Variants in CDH18 observed in about 807,000 individuals in gnomAD.
The protein encoded by CDH18 is cadherin 18, also known as cadherin-18.
In CDH18, 31 loss-of-function variants were observed where a neutral mutation model predicts 67.9. That is an observed-to-expected ratio of 0.46 (90% CI 0.34 to 0.62). CDH18 has a LOEUF of 0.62. Ranked by LOEUF, CDH18 falls within the 20% of genes least tolerant of loss-of-function variation. The probability of loss-of-function intolerance (pLI) is 0.01; values close to 1 mark genes in which losing one functional copy is unlikely to be tolerated. For missense variants in CDH18, 890 were observed against 975.5 expected (o/e 0.91, Z 1.17); for synonymous variants, 362 against 347.2 (o/e 1.04, Z -0.48).
At chr5:20,122,013 C>T (rs933329958) in intron 2 of CDH18, among the ~76,000 whole-genome samples, 10 of 152,158 alleles carry the variant, frequency 6.6e-5, no homozygotes, top group African/African-American at 2.2e-4. Context: ...AAGCTTAGAA[C>T]AGCACTGTTG....
intron 1 of CDH18, among the ~76,000 whole-genome samples, chr5:20,375,357 T>C (rs990101566): frequency 3.9e-5 from 6 of 152,194 alleles, no homozygotes; most frequent in African/African-American, 1.2e-4. Flanking sequence ...GAAAGCAGAA[T>C]TGGGATGAAA....
In CDH18 at chr5:20,086,024, C is replaced by T. The variant is rs150736601; in HGVS notation, c.-517-94010G>A. Among the ~76,000 whole-genome samples, 23 of 152,260 alleles carry T rather than the reference C, an allele frequency of 1.5e-4. No homozygotes were observed. In the East Asian group the frequency reaches 2.3e-3, roughly 15 times the overall value. On this transcript the variant is annotated intron_variant, in intron 2 of 14. Coordinates refer to the CDH18 transcript ENST00000507958. The stretch of plus-strand genomic sequence containing the variant: ...GAAAAGCTAAAAGGTAGGCTTCTTG[C>T]GCAAAACAGTGAGCCAAGATGTAAA...
chr5:20,104,046 G>A (rs1746707751), intron 2 of CDH18, among the ~76,000 whole-genome samples: 1 of 150,638 alleles, frequency 6.6e-6, no homozygotes, highest in African/African-American at 2.4e-5. Context: ...TATGACTATA[G>A]ATGGTTATCT....
intron 5 of CDH18, among the ~76,000 whole-genome samples, chr5:19,689,800 A>G (rs1261991870): frequency 6.6e-6 from 1 of 151,804 alleles, no homozygotes; most frequent in East Asian, 1.9e-4. Flanking sequence ...AATAAATTAG[A>G]CTTTTTACTT....
chr5:20,420,124 T>C (rs961771136), intron 1 of CDH18, among the ~76,000 whole-genome samples: 1 of 151,058 alleles, frequency 6.6e-6, no homozygotes, highest in Admixed American at 6.6e-5. Flanking sequence ...TGCATTTTGT[T>C]GAATTAACAC....
At chr5:19,968,675 C>T (rs1797719496) in intron 2 of CDH18, among the ~76,000 whole-genome samples, 2 of 143,918 alleles carry the variant, frequency 1.4e-5, no homozygotes, top group Admixed American at 1.3e-4. Flanking sequence ...TTCCTTACAC[C>T]TTATATAAAA....
At chr5:20,256,585 G>A (rs1279690622) in intron 1 of CDH18, among the ~76,000 whole-genome samples, 2 of 151,920 alleles carry the variant, frequency 1.3e-5, no homozygotes, top group Non-Finnish European at 2.9e-5. Context: ...TTTTATTTTG[G>A]GAATGCTGGG....
At chr5:19,930,333 G>A (rs1045546066) in intron 2 of CDH18, among the ~76,000 whole-genome samples, 1 of 151,938 alleles carries the variant, frequency 6.6e-6, no homozygotes, top group African/African-American at 2.4e-5. Context: ...CGAGCAAGGA[G>A]AAACATATGT....
chr5:19,774,082 C>A (rs1774018098), intron 3 of CDH18, among the ~76,000 whole-genome samples: 1 of 151,972 alleles, frequency 6.6e-6, no homozygotes, highest in Non-Finnish European at 1.5e-5. Context: ...AGATTTACTC[C>A]AAAATAACAT....
chr5:19,854,759 T>C (rs1784077660), intron 2 of CDH18, among the ~76,000 whole-genome samples: 1 of 152,030 alleles, frequency 6.6e-6, no homozygotes, highest in South Asian at 2.1e-4. Flanking sequence ...CTATTTTTAT[T>C]TATTTATTTT....
chr5:19,906,844 CAACT>C (rs1484211284), intron 2 of CDH18, among the ~76,000 whole-genome samples: 2 of 151,950 alleles, frequency 1.3e-5, no homozygotes, highest in Admixed American at 1.3e-4. Flanking sequence ...AATCAAGACA[CAACT>C]ATCACCTGCC....
rs1751058806 is a variant in CDH18 at position 20,151,083 on chromosome 5, A to T, written c.-518+104361T>A. ...AATATAGGGGGTTCCGCTTTGTTACATGAGTATATTGCACCCAGATAGTGA... is the reference window on the plus strand; with the variant it reads ...AATATAGGGGGTTCCGCTTTGTTACTTGAGTATATTGCACCCAGATAGTGA... On this transcript the variant is annotated intron_variant, in intron 2 of 14. Transcript: ENST00000507958. Among the ~76,000 whole-genome samples the T allele has an allele frequency of 2.6e-5, 4 of 151,748 alleles. No individual in the cohort carries two copies. The South Asian group carries it at 8.3e-4, about 32-fold the overall frequency.
Position 20,334,295 on chromosome 5 carries a change from G to A in CDH18, c.-579-78790C>T, listed in dbSNP as rs565309178. 3.3e-5 allele frequency among the ~76,000 whole-genome samples: 5 copies of A among 150,940 alleles called. No individual in the cohort carries two copies. The South Asian group carries it at 6.3e-4, about 19-fold the overall frequency. ...ACTACAGGCGCCCGCCACCTCGCCC[G>A]GCTAATTTTTTTTTTGTATTTTTAG... On this transcript the variant is annotated intron_variant, in intron 1 of 14. Coordinates refer to the CDH18 transcript ENST00000507958.
intron 7 of CDH18, among the ~76,000 whole-genome samples, chr5:19,575,286 T>C (rs906654621): frequency 6.6e-6 from 1 of 152,210 alleles, no homozygotes; most frequent in East Asian, 1.9e-4. Flanking sequence ...ACAATGCTAA[T>C]TAGCATGCAT....
At chr5:20,295,867 T>C (rs1264044690) in intron 1 of CDH18, among the ~76,000 whole-genome samples, 1 of 99,334 alleles carries the variant, frequency 1.0e-5, no homozygotes, top group Non-Finnish European at 2.0e-5. Context: ...TTCTTTCTTT[T>C]TTTTCTTTTT....
At chr5:20,100,110 T>C (rs1746330373) in intron 2 of CDH18, among the ~76,000 whole-genome samples, 1 of 152,136 alleles carries the variant, frequency 6.6e-6, no homozygotes, top group South Asian at 2.1e-4. Flanking sequence ...TCAGTTTTAA[T>C]TATGGAGACA....
At chr5:19,678,901 G>C (rs35520154) in intron 5 of CDH18, among the ~76,000 whole-genome samples, 5,001 of 151,876 alleles carry the variant, frequency 0.033, 268 homozygotes, top group African/African-American at 0.11. Flanking sequence ...CCTACTGAAA[G>C]TATTCCAAAA....
intron 1 of CDH18, among the ~76,000 whole-genome samples, chr5:20,306,432 G>A (rs1393042612): frequency 1.6e-5 from 2 of 124,076 alleles, no homozygotes; most frequent in African/African-American, 3.7e-5. Context: ...CTTTTCCATA[G>A]AGTCATTTTT....
intron 6 of CDH18, among the ~76,000 whole-genome samples, chr5:19,595,450 C>T (rs1473682227): frequency 6.6e-6 from 1 of 152,126 alleles, no homozygotes; most frequent in Non-Finnish European, 1.5e-5. Flanking sequence ...ATGGTGAAAT[C>T]CCATCCCTAC....
Sources: gnomAD v4.1 joint callset for allele counts (sites outside exome capture counted in the v4.1 genomes callset) on GRCh38, gnomAD v4.1.1 for gene constraint, MANE v1.5 for transcripts, NCBI Gene and HGNC (gene_info 2026-07-23, HGNC 2026-07-21) for gene names.